Variants in HECTD4 observed in about 807,000 individuals in gnomAD.
HECTD4 encodes HECT domain E3 ubiquitin protein ligase 4, also known as probable E3 ubiquitin-protein ligase HECTD4.
A neutral mutation model predicts 471.5 loss-of-function variants in HECTD4; 114 were observed. That is an observed-to-expected ratio of 0.24 (90% CI 0.21 to 0.28). The LOEUF (loss-of-function observed/expected upper bound fraction) is 0.28, where lower values mean the gene tolerates loss of function less well. Ranked by LOEUF, HECTD4 falls within the 10% of genes least tolerant of loss-of-function variation. HECTD4 has a pLI of 1.00. For missense variants in HECTD4, 3,866 were observed against 5,651.5 expected (o/e 0.68, Z 10.13); for synonymous variants, 2,012 against 2,256.0 (o/e 0.89, Z 3.07).
intron 1 of HECTD4, among the ~76,000 whole-genome samples, chr12:112,342,868 A>G (rs1424491919): frequency 6.6e-6 from 1 of 152,212 alleles, no homozygotes; most frequent in African/African-American, 2.4e-5. Flanking sequence ...TCCTTTCCCT[A>G]GTAAGCAATG....
chr12:112,356,479 C>A (rs191825800), intron 1 of HECTD4, among the ~76,000 whole-genome samples: 1 of 152,076 alleles, frequency 6.6e-6, no homozygotes, highest in Non-Finnish European at 1.5e-5. Flanking sequence ...TGGGCTGTCA[C>A]CCAGGGTGGA....
chr12:112,233,214 CTTTTTTTTTT>C (rs546999938), intron 37 of HECTD4, 129 bp from the exon 38 acceptor site: 33 of 235,730 alleles, frequency 1.4e-4, no homozygotes, highest in Non-Finnish European at 1.9e-4. Context: ...CTAACATTAG[CTTTTTTTTTT>C]TTTTTTTTTT....
At chr12:112,342,564 G>C (rs2135727741) in intron 1 of HECTD4, among the ~76,000 whole-genome samples, 1 of 152,192 alleles carries the variant, frequency 6.6e-6, no homozygotes, top group South Asian at 2.1e-4. Flanking sequence ...TTCAATTATT[G>C]AAGTAAAATA....
intron 60 of HECTD4, among the ~76,000 whole-genome samples, chr12:112,189,572 A>AG (rs1176830060): frequency 3.3e-5 from 5 of 150,356 alleles, no homozygotes; most frequent in Non-Finnish European, 5.9e-5. Context: ...AAAAAAAAAA[A>AG]AAAGAAAGAA....
At chr12:112,348,432 T>C (rs369710062) in intron 1 of HECTD4, among the ~76,000 whole-genome samples, 2 of 152,212 alleles carry the variant, frequency 1.3e-5, no homozygotes, top group African/African-American at 2.4e-5. Flanking sequence ...TTAAAACTTA[T>C]ATTCACTAAA....
chr12:112,206,252 T>C (rs1357696141), intron 52 of HECTD4, among the ~76,000 whole-genome samples: 1 of 151,964 alleles, frequency 6.6e-6, no homozygotes, highest in Non-Finnish European at 1.5e-5. Flanking sequence ...TCCCAGCACT[T>C]TGGAGGCCCG....
chr12:112,291,317 T>C (rs2034880734), intron 7 of HECTD4, among the ~76,000 whole-genome samples: 1 of 152,202 alleles, frequency 6.6e-6, no homozygotes, highest in African/African-American at 2.4e-5. Flanking sequence ...CATATTTCAG[T>C]GTATATCACT....
intron 7 of HECTD4, 86 bp downstream of exon 7, chr12:112,305,978 G>T: frequency 7.7e-7 from 1 of 1,296,416 alleles, no homozygotes; most frequent in Non-Finnish European, 1.1e-6. Flanking sequence ...ACGCTGCAAG[G>T]TTCTTAGGCC....
chr12:112,171,316 C>A, intron 67 of HECTD4, 53 bp from the exon 68 acceptor site: 4 of 1,556,734 alleles, frequency 2.6e-6, no homozygotes, highest in Non-Finnish European at 3.5e-6. Context: ...GCTGAGATGC[C>A]TGACTCACAG....
Position 112,256,350 on chromosome 12 carries a change from G to A in HECTD4, c.3297C>T (p.Ser1099=), listed in dbSNP as rs767258281. The part of the protein sequence containing the change: ...GARCLYLRFD[S]RCSSQYDYDK... The stretch of plus-strand genomic sequence containing the variant: ...CATAGTCATATTGCGAAGAGCATCT[G>A]CTATCAAATCTAAGGTACAGGCAGC... The change falls in exon 21 of 76, where the codon AGC becomes AGT. Residue 1099 remains serine, a synonymous_variant. Transcript: ENST00000682272. 6.2e-7 allele frequency: 1 copy of A among 1,606,362 alleles called. No individual in the cohort carries two copies. The highest frequency in any genetic ancestry group is 1.1e-5 in the South Asian group (1 of 88,992).
Position 112,309,585 on chromosome 12 carries a change from C to G in HECTD4, c.1001G>C (p.Gly334Ala). 6.6e-7 allele frequency: 1 copy of G among 1,516,594 alleles called. No homozygotes were observed. The highest frequency in any genetic ancestry group is 8.9e-7 in the Non-Finnish European group (1 of 1,128,376). 93.9% of individuals were successfully genotyped at this position (1,516,594 alleles called of 1,614,324 possible). Residue 334 changes from glycine (G) to alanine (A), a missense_variant, in exon 5 of 76, where the codon GGA (glycine) becomes GCA (alanine). Gly to Ala is a moderately conservative substitution (Grantham distance 60). Coordinates refer to ENST00000682272, the MANE Select transcript of HECTD4 (RefSeq NM_001388303.1). ...NSVGRGVSKL[G>A]SGLHGTLRGF... ...CCTGAGAGTACCATGTAATCCAGAT[C>G]CCAATTTGCTTACTCCTCTTCCAAC...
chr12:112,220,661 G>C (rs1488605542), intron 44 of HECTD4, among the ~76,000 whole-genome samples: 1 of 152,068 alleles, frequency 6.6e-6, no homozygotes, highest in African/African-American at 2.4e-5. Context: ...GCCAGGCATG[G>C]TGGCACATGC....
Position 112,235,453 on chromosome 12 carries a change from G to T in HECTD4, c.5725+51C>A. 1 of 1,551,118 alleles carries T rather than the reference G, an allele frequency of 6.4e-7. No individual in the cohort carries two copies. On this transcript the variant is annotated intron_variant, in intron 36 of 75. Coordinates refer to ENST00000682272, the MANE Select transcript of HECTD4 (RefSeq NM_001388303.1). This position sits in a 1 kb window ranked among gnomAD's most constrained non-coding sequence, Gnocchi z 5.0. The stretch of plus-strand genomic sequence containing the variant: ...ACAGATGCAAGGGGGACCTGACTGG[G>T]CACAGGAATGCTGCACTGCCATGCT...
intron 32 of HECTD4, among the ~76,000 whole-genome samples, chr12:112,242,195 C>A: frequency 6.6e-6 from 1 of 151,990 alleles, no homozygotes. Context: ...GTTGTTAATG[C>A]AAAAACAAAA....
chr12:112,334,026 T>C (rs946420623), intron 1 of HECTD4, among the ~76,000 whole-genome samples: 8 of 151,808 alleles, frequency 5.3e-5, no homozygotes, highest in South Asian at 2.1e-4. Flanking sequence ...CTGGCCAATA[T>C]GGTGAAACCC....
At chr12:112,336,645 A>G (rs2135721454) in intron 1 of HECTD4, among the ~76,000 whole-genome samples, 1 of 152,200 alleles carries the variant, frequency 6.6e-6, no homozygotes, top group South Asian at 2.1e-4. Context: ...ATGTTTTAAA[A>G]GGAGTACTCA....
chr12:112,307,204 G>A (rs766370191), intron 6 of HECTD4, among the ~76,000 whole-genome samples: 4 of 152,176 alleles, frequency 2.6e-5, no homozygotes, highest in African/African-American at 7.2e-5. Flanking sequence ...TTCCCAAGGC[G>A]ATCTCTGACC....
chr12:112,195,608 G>A (rs1297410323), intron 55 of HECTD4, among the ~76,000 whole-genome samples: 1 of 152,202 alleles, frequency 6.6e-6, no homozygotes, highest in African/African-American at 2.4e-5. Flanking sequence ...TGGGAAAGGA[G>A]GATGGGAAGT....
chr12:112,198,629 G>A (rs146884385), intron 55 of HECTD4, among the ~76,000 whole-genome samples: 22 of 152,300 alleles, frequency 1.4e-4, no homozygotes, highest in Admixed American at 2.0e-4. Context: ...GAGGAAAAAG[G>A]ATGGTTTGTG....
Sources: gnomAD v4.1 joint callset for allele counts (sites outside exome capture counted in the v4.1 genomes callset) on GRCh38, gnomAD v4.1.1 for gene constraint, Gnocchi (gnomAD v3.1) non-coding constraint, MANE v1.5 for transcripts, NCBI Gene and HGNC (gene_info 2026-07-23, HGNC 2026-07-21) for gene names.